LRP1: variants seen among roughly 807,000 people sequenced by gnomAD.
LRP1 encodes prolow-density lipoprotein receptor-related protein 1.
A neutral mutation model predicts 541.5 loss-of-function variants in LRP1; 51 were observed. The observed-to-expected ratio is 0.09, with a 90% CI of 0.08 to 0.12. The LOEUF is 0.12. Among genes scored for constraint, LRP1 ranks in the 10% least tolerant of loss-of-function variants. The pLI, the probability that LRP1 is intolerant of heterozygous loss-of-function variation, is 1.00. For missense variants in LRP1, 3,878 were observed against 6,376.2 expected (o/e 0.61, Z 13.34); for synonymous variants, 2,219 against 2,470.8 (o/e 0.90, Z 3.02).
chr12:57,162,432 G>A lies in LRP1; in HGVS notation c.2318G>A (p.Gly773Glu), dbSNP rs771162168. ...GTCTACCGCTTGGAACGGGGTGTAG[G>A]AGGCGCACCCCCCACTGTGACCCTT... ...GSVYRLERGVGGAPPTVTLLR... is the reference protein window; with the variant it reads ...GSVYRLERGVEGAPPTVTLLR... Residue 773 changes from glycine to glutamate, a missense_variant, in exon 14 of 89, where the codon GGA becomes GAA. Gly to Glu is a moderately conservative substitution (Grantham distance 98). Around this residue, in one of 13 missense-constraint regions of LRP1, gnomAD observed 496 missense variants for 861.0 expected, o/e 0.58. Transcript: ENST00000243077. This position sits in a 1 kb window ranked among gnomAD's most constrained non-coding sequence, Gnocchi z 5.2. The A allele has an allele frequency of 3.7e-6, 6 of 1,614,068 alleles. No individual in the cohort carries two copies. The highest frequency in any genetic ancestry group is 5.1e-6 in the Non-Finnish European group (6 of 1,179,988).
Position 57,162,735 on chromosome 12 carries a change from C to A in LRP1, c.2405-123C>A. On this transcript the variant is annotated intron_variant, in intron 14 of 88. Coordinates refer to ENST00000243077, the MANE Select transcript of LRP1 (RefSeq NM_002332.3). This position sits in a 1 kb window ranked among gnomAD's most constrained non-coding sequence, Gnocchi z 5.2. ...TGTGTCTCCTGTTCTTCAACATGAT[C>A]TTCTTCCTCTCCATATTTCCTCTTT... 8.5e-7 allele frequency: 1 copy of A among 1,180,060 alleles called. No homozygotes were observed. Among genetic ancestry groups the A allele is most frequent in the Non-Finnish European group, 1.2e-6 (1 of 841,630 alleles). 73.1% of individuals were successfully genotyped at this position (1,180,060 alleles called of 1,614,324 possible). A position where few individuals can be genotyped will look rare whatever the true frequency, so the allele number is the denominator to read the frequency against.
chr12:57,175,730 G>A lies in LRP1; in HGVS notation c.3793+25G>A, dbSNP rs1800180. 504,074 of 1,551,266 alleles carry A rather than the reference G, an allele frequency of 0.32. 85,099 individuals carry two copies. The highest frequency in any genetic ancestry group is 0.47 in the African/African-American group (34,623 of 73,624). On this transcript the variant is annotated intron_variant, in intron 23 of 88. Transcript: ENST00000243077. ...GGTGAGACAACAGTGAGGTGTGGTG[G>A]GGCAGGCCGAGGCAGGCCTCTGAGC... is the stretch of plus-strand genomic sequence containing the variant.
intron 6 of LRP1, among the ~76,000 whole-genome samples, chr12:57,151,854 T>A (rs1482398133): frequency 6.6e-6 from 1 of 152,064 alleles, no homozygotes. Flanking sequence ...AATCTGAACT[T>A]TAGGAGAGAG....
chr12:57,181,997 G>C (rs936775785), intron 34 of LRP1, among the ~76,000 whole-genome samples: 4 of 152,194 alleles, frequency 2.6e-5, no homozygotes, highest in African/African-American at 7.2e-5. Context: ...GTTTAAAAGT[G>C]TTTTGTGCTG....
At chr12:57,191,626 ACACACATCC>A in intron 44 of LRP1, 114 bp downstream of exon 44, 1 of 886,024 alleles carries the variant, frequency 1.1e-6, no homozygotes, top group Non-Finnish European at 1.7e-6. Flanking sequence ...CATACCACAC[ACACACATCC>A]CACACATACT....
Position 57,173,150 on chromosome 12 carries a change from T to C in LRP1, c.3164-18T>C, listed in dbSNP as rs1267749216. On this transcript the variant is annotated intron_variant, in intron 20 of 88. Transcript: ENST00000243077. The surrounding 1 kb of genome is among the most constrained non-coding windows in gnomAD (Gnocchi z 4.7). ...GGGCAACCCCTCCCTCCTGAGGCCC[T>C]CCACTGTCCCTCTGCAGCCACGAGG... 1 of 1,587,432 alleles carries C rather than the reference T, an allele frequency of 6.3e-7. No homozygotes were observed.
chr12:57,154,138 C>A lies in LRP1; in HGVS notation c.842-70C>A. On this transcript the variant is annotated intron_variant, in intron 6 of 88. Transcript: ENST00000243077. The surrounding 1 kb of genome is among the most constrained non-coding windows in gnomAD (Gnocchi z 4.6). The stretch of plus-strand genomic sequence containing the variant: ...GTGGGCTTCCAGGTGTGGGTTCTCA[C>A]CAGCAAAGGGTGGGCATCTCTGCAA... The A allele has an allele frequency of 6.7e-7, 1 of 1,485,180 alleles. No homozygotes were observed. Among genetic ancestry groups the A allele is most frequent in the Non-Finnish European group, 9.3e-7 (1 of 1,079,338 alleles). The allele number at this position is 1,485,180 out of a possible 1,614,324, so 92.0% of individuals were successfully genotyped here.
chr12:57,141,603 T>A, intron 3 of LRP1, 92 bp downstream of exon 3: 1 of 1,482,032 alleles, frequency 6.7e-7, no homozygotes, highest in Non-Finnish European at 9.3e-7. Flanking sequence ...TCAGTGGGGA[T>A]GAGGCCTTGT....
At chr12:57,139,092 A>T in intron 2 of LRP1, among the ~76,000 whole-genome samples, 1 of 152,180 alleles carries the variant, frequency 6.6e-6, no homozygotes. Flanking sequence ...AGCTGTTTTA[A>T]CTGGGAGAAA....
chr12:57,134,661 C>G (rs1051552175), intron 1 of LRP1, among the ~76,000 whole-genome samples: 1 of 151,996 alleles, frequency 6.6e-6, no homozygotes, highest in African/African-American at 2.4e-5. Flanking sequence ...AGTGCTGGTA[C>G]TACAGACGGG....
chr12:57,210,981 G>A, intron 83 of LRP1, 102 bp downstream of exon 83: 1 of 1,482,210 alleles, frequency 6.7e-7, no homozygotes, highest in African/African-American at 1.4e-5. Flanking sequence ...ACAGGGGCAA[G>A]TTCAGGAAAG....
chr12:57,210,526 C>T, intron 82 of LRP1, 46 bp downstream of exon 82: 1 of 1,502,956 alleles, frequency 6.7e-7, no homozygotes, highest in Non-Finnish European at 8.9e-7. Context: ...CCCTGGGCCC[C>T]AGCCCCGCCA....
chr12:57,135,606 C>T (rs1043881552), intron 1 of LRP1, among the ~76,000 whole-genome samples: 1 of 152,240 alleles, frequency 6.6e-6, no homozygotes, highest in African/African-American at 2.4e-5. Context: ...AGTTCTTTCA[C>T]GTATCTCTCT....
chr12:57,167,260 T>G (rs1393434642), intron 18 of LRP1, among the ~76,000 whole-genome samples, 184 bp from the exon 19 acceptor site: 3 of 151,974 alleles, frequency 2.0e-5, no homozygotes, highest in African/African-American at 7.3e-5. Flanking sequence ...AGGTCCTGTG[T>G]CTGCTGACTC....
intron 45 of LRP1, 71 bp from the exon 46 acceptor site, chr12:57,193,105 C>G (rs985431871): frequency 6.3e-6 from 10 of 1,596,486 alleles, no homozygotes; most frequent in Non-Finnish European, 8.5e-6. Context: ...CCTCAGCTCC[C>G]CGGGGGAGGA....
chr12:57,162,272 C>T lies in LRP1; in HGVS notation c.2203-45C>T, dbSNP rs781142944. The stretch of plus-strand genomic sequence containing the variant: ...CAAAACAGTGATCTCACAGGCCTCC[C>T]TCAATTTTCTTCCAACTCCTTAGTA... On this transcript the variant is annotated intron_variant, in intron 13 of 88. Coordinates refer to ENST00000243077, the MANE Select transcript of LRP1 (RefSeq NM_002332.3). This position sits in a 1 kb window ranked among gnomAD's most constrained non-coding sequence, Gnocchi z 5.2. The T allele has an allele frequency of 6.6e-7, 1 of 1,519,164 alleles. No homozygotes were observed. The highest frequency in any genetic ancestry group is 1.1e-5 in the South Asian group (1 of 89,120). 94.1% of individuals were successfully genotyped at this position (1,519,164 alleles called of 1,614,324 possible). A position where few individuals can be genotyped will look rare whatever the true frequency, so the allele number is the denominator to read the frequency against.
rs371171821 is a variant in LRP1, at chr12:57,193,884, C to G, written c.7805-15C>G. ...AAAACTCTGGCCTGACGATACGGGG[C>G]GGGCACTGTTCTAGAGACAGCCTGT... On this transcript the variant is annotated splice_polypyrimidine_tract_variant and intron_variant, in intron 47 of 88. Coordinates refer to ENST00000243077, the MANE Select transcript of LRP1 (RefSeq NM_002332.3). 3.1e-6 allele frequency: 5 copies of G among 1,610,586 alleles called. No homozygotes were observed. Among genetic ancestry groups the G allele is most frequent in the Non-Finnish European group, 4.2e-6 (5 of 1,177,282 alleles).
Position 57,184,475 on chromosome 12 carries a change from G to A in LRP1, c.6186+23G>A, listed in dbSNP as rs2036228864. On this transcript the variant is annotated intron_variant, in intron 38 of 88. Coordinates refer to ENST00000243077, the MANE Select transcript of LRP1 (RefSeq NM_002332.3). This position sits in a 1 kb window ranked among gnomAD's most constrained non-coding sequence, Gnocchi z 7.8. ...CAGGTTCGCACGCCAACTTGGCCTT[G>A]GATCCGATGGTAGACCCCTGACCCA... 6.2e-7 allele frequency: 1 copy of A among 1,613,816 alleles called. No homozygotes were observed. The highest frequency in any genetic ancestry group is 1.3e-5 in the African/African-American group (1 of 74,930).
Position 57,195,093 on chromosome 12 carries a change from C to T in LRP1, c.8300C>T (p.Ala2767Val), listed in dbSNP as rs1331139203. 1.2e-6 allele frequency: 2 copies of T among 1,613,256 alleles called. No individual in the cohort carries two copies. Residue 2767 changes from alanine (A) to valine (V), a missense_variant, in exon 51 of 89, where the codon GCT becomes GTT. Physicochemically the swap from Ala to Val is moderately conservative, Grantham distance 64 (BLOSUM62 0). Transcript: ENST00000243077. ...DDCGDGSDEA[A>V]HCEGKTCGPS... ...TGTGGGGATGGCTCAGACGAGGCTGCTCACTGTGGTAAGGAAGCTGGGATT... is the reference window on the plus strand; with the variant it reads ...TGTGGGGATGGCTCAGACGAGGCTGTTCACTGTGGTAAGGAAGCTGGGATT...
Sources: allele counts gnomAD v4.1 joint callset (sites outside exome capture counted in the v4.1 genomes callset), GRCh38; gene constraint gnomAD v4.1.1; regional missense constraint gnomAD v4.1.1; non-coding constraint Gnocchi (gnomAD v3.1); transcripts MANE v1.5; gene names NCBI Gene and HGNC (gene_info 2026-07-23, HGNC 2026-07-21).